Variants in DLGAP2 observed in about 807,000 individuals in gnomAD.
DLGAP2 encodes DLG associated protein 2.
A neutral mutation model predicts 100.3 loss-of-function variants in DLGAP2; 26 were observed. That is an observed-to-expected ratio of 0.26 (90% CI 0.19 to 0.36). The LOEUF (loss-of-function observed/expected upper bound fraction) is 0.36. DLGAP2 is among the 10% of genes least tolerant of loss of function. DLGAP2 has a pLI of 1.00. For synonymous variants in DLGAP2, 886 were observed against 630.1 expected, an observed-to-expected ratio of 1.41 and a Z score of -6.08; for missense variants, 1,858 against 1,453.2, an observed-to-expected ratio of 1.28 and a Z score of -4.53.
intron 2 of DLGAP2, among the ~76,000 whole-genome samples, chr8:934,559 G>T (rs541423347): frequency 2.0e-5 from 3 of 152,182 alleles, no homozygotes; most frequent in Non-Finnish European, 2.9e-5. Flanking sequence ...CGCCTCCCAG[G>T]GGGTGGAGAG....
At chr8:977,990 G>C (rs1800215904) in intron 2 of DLGAP2, among the ~76,000 whole-genome samples, 1 of 70,038 alleles carries the variant, frequency 1.4e-5, no homozygotes, top group African/African-American at 5.5e-5. Flanking sequence ...GTTGTGGGGA[G>C]GGCGTCGGGG....
At chr8:1,557,488 C>T (rs1473032927) in intron 5 of DLGAP2, among the ~76,000 whole-genome samples, 3 of 152,072 alleles carry the variant, frequency 2.0e-5, no homozygotes, top group South Asian at 4.2e-4. Context: ...AGGTCTCGGC[C>T]GATTCTGAGA....
chr8:1,604,369 C>T (rs948429650), intron 6 of DLGAP2, among the ~76,000 whole-genome samples: 2 of 152,150 alleles, frequency 1.3e-5, no homozygotes, highest in Admixed American at 1.3e-4. Flanking sequence ...CTCAGTGGGG[C>T]ATCCTATCCC....
intron 3 of DLGAP2, among the ~76,000 whole-genome samples, chr8:1,331,019 G>A (rs1179264086): frequency 6.9e-6 from 1 of 145,874 alleles, no homozygotes; most frequent in Non-Finnish European, 1.5e-5. Context: ...CTGAGTTCTG[G>A]GTGGGAGCAC....
At chr8:752,334 A>G (rs545836263) in intron 1 of DLGAP2, among the ~76,000 whole-genome samples, 32 of 152,292 alleles carry the variant, frequency 2.1e-4, no homozygotes, top group African/African-American at 7.2e-4. Flanking sequence ...CTCAATGCTC[A>G]TGCCTCGCCT....
At chr8:1,361,737 G>A (rs1462566785) in intron 3 of DLGAP2, among the ~76,000 whole-genome samples, 1 of 152,260 alleles carries the variant, frequency 6.6e-6, no homozygotes, top group African/African-American at 2.4e-5. Context: ...TGAGGAAGCT[G>A]CGAGTGAGTC....
intron 2 of DLGAP2, among the ~76,000 whole-genome samples, chr8:1,061,046 G>A (rs897890459): frequency 6.6e-6 from 1 of 152,162 alleles, no homozygotes; most frequent in East Asian, 1.9e-4. Context: ...CCCCCACGTG[G>A]GCAGAGGAAC....
At chr8:1,631,670 T>G (rs1470805389) in intron 7 of DLGAP2, among the ~76,000 whole-genome samples, 5 of 152,214 alleles carry the variant, frequency 3.3e-5, no homozygotes, top group Admixed American at 2.6e-4. Flanking sequence ...GGCATGGGTC[T>G]GTCTTCCCTG....
At chr8:976,931 A>G (rs867879990) in intron 2 of DLGAP2, among the ~76,000 whole-genome samples, 3 of 152,244 alleles carry the variant, frequency 2.0e-5, no homozygotes, top group East Asian at 1.9e-4. Context: ...GAAATAATTG[A>G]TAAGTTGAAC....
chr8:1,103,977 C>T (rs1037656573), intron 2 of DLGAP2, among the ~76,000 whole-genome samples: 6 of 152,172 alleles, frequency 3.9e-5, no homozygotes, highest in Non-Finnish European at 8.8e-5. Context: ...AACAACAAAC[C>T]CTTTCTGGGC....
chr8:1,624,198 G>A (rs1797431360), intron 6 of DLGAP2, among the ~76,000 whole-genome samples: 2 of 152,206 alleles, frequency 1.3e-5, no homozygotes, highest in South Asian at 2.1e-4. Flanking sequence ...AGAAGGAACG[G>A]CTGTTGTATT....
At chr8:1,062,949 G>A (rs1439624339) in intron 2 of DLGAP2, among the ~76,000 whole-genome samples, 1 of 152,182 alleles carries the variant, frequency 6.6e-6, no homozygotes, top group Non-Finnish European at 1.5e-5. Context: ...ATTTGCTATA[G>A]CAAAGATGCA....
chr8:1,303,474 A>T (rs1449017979), intron 3 of DLGAP2, among the ~76,000 whole-genome samples: 1 of 151,830 alleles, frequency 6.6e-6, no homozygotes. Context: ...CATGGGTGGG[A>T]AGGAGCTTCG....
chr8:1,662,975 CTG>C (rs560221910), intron 8 of DLGAP2, among the ~76,000 whole-genome samples: 7 of 95,244 alleles, frequency 7.3e-5, no homozygotes, highest in Admixed American at 1.2e-4. Context: ...TGGGGTATGA[CTG>C]TGTGTGTACA....
chr8:1,419,643 C>A (rs1453785070), intron 3 of DLGAP2, among the ~76,000 whole-genome samples: 4 of 152,098 alleles, frequency 2.6e-5, no homozygotes, highest in African/African-American at 9.7e-5. Flanking sequence ...CAGGGAAGTG[C>A]AAATCAAAAC....
intron 2 of DLGAP2, among the ~76,000 whole-genome samples, chr8:1,207,391 G>A (rs1436280778): frequency 6.6e-6 from 1 of 152,182 alleles, no homozygotes; most frequent in Non-Finnish European, 1.5e-5. Flanking sequence ...CATCCAGGCT[G>A]CCGCAAATGC....
At position 1,317,408 on chromosome 8, in the gene DLGAP2, C is replaced by T. The variant is rs1196213624; in HGVS notation, c.106+58525C>T. 2.1e-5 allele frequency among the ~76,000 whole-genome samples: 3 copies of T among 141,102 alleles called. No homozygotes were observed. In the South Asian group the frequency reaches 6.9e-4, roughly 33 times the overall value. 92.6% of individuals were successfully genotyped at this position (141,102 alleles called of 152,430 possible). On this transcript the variant is annotated intron_variant, in intron 3 of 14. Transcript: ENST00000637795. ...GAGCCTGTGCGAGTGCAGCGTCTCT[C>T]CAACAGTGGTCTACACTCGAGAAAC...
At chr8:1,242,248 G>C (rs951493009) in intron 2 of DLGAP2, among the ~76,000 whole-genome samples, 2 of 152,216 alleles carry the variant, frequency 1.3e-5, no homozygotes, top group African/African-American at 4.8e-5. Flanking sequence ...GTTTGTGGAA[G>C]AGGGGAGGTC....
At chr8:878,051 G>A (rs1392120472) in intron 1 of DLGAP2, among the ~76,000 whole-genome samples, 6 of 152,164 alleles carry the variant, frequency 3.9e-5, no homozygotes, top group Non-Finnish European at 8.8e-5. Flanking sequence ...TTCAGAGACT[G>A]TAGATGTTTT....
Sources: allele counts gnomAD v4.1 joint callset (sites outside exome capture counted in the v4.1 genomes callset), GRCh38; gene constraint gnomAD v4.1.1; transcripts MANE v1.5; gene names NCBI Gene and HGNC (gene_info 2026-07-23, HGNC 2026-07-21).